SLC22A7: variants seen among roughly 807,000 people sequenced by gnomAD.
SLC22A7 encodes the protein solute carrier family 22 member 7, also known as hOAT2.
SLC22A7 carries 48 observed loss-of-function variants against 62.2 expected under a neutral mutation model. The ratio of observed to expected loss-of-function variants is 0.77; its 90% CI spans 0.61 to 0.98. SLC22A7 has a LOEUF of 0.98. SLC22A7 is among the 50% of genes least tolerant of loss of function. The pLI, the probability that SLC22A7 is intolerant of heterozygous loss-of-function variation, is 0.00. For synonymous variants in SLC22A7, 276 were observed against 314.8 expected, an observed-to-expected ratio of 0.88 and a Z score of 1.30; for missense variants, 581 against 703.8, an observed-to-expected ratio of 0.83 and a Z score of 1.97.
intron 1 of SLC22A7, 95 bp downstream of exon 1, chr6:43,298,846 C>T: frequency 6.8e-7 from 1 of 1,472,186 alleles, no homozygotes; most frequent in Non-Finnish European, 9.1e-7. Flanking sequence ...ATTACTTTAC[C>T]TCTTAAAGTC....
In SLC22A7 at chr6:43,302,145, G is replaced by A; in HGVS notation, c.1062-55G>A. 1 of 1,455,810 alleles carries A rather than the reference G, an allele frequency of 6.9e-7. No homozygotes were observed. Among genetic ancestry groups the A allele is most frequent in the Non-Finnish European group, 9.4e-7 (1 of 1,069,082 alleles). The allele number at this position is 1,455,810 out of a possible 1,614,324, so 90.2% of individuals were successfully genotyped here. A position where few individuals can be genotyped will look rare whatever the true frequency, so the allele number is the denominator to read the frequency against. On this transcript the variant is annotated intron_variant, in intron 7 of 10. Coordinates refer to ENST00000372585, the MANE Select transcript of SLC22A7 (RefSeq NM_153320.2). This position sits in a 1 kb window ranked among gnomAD's most constrained non-coding sequence, Gnocchi z 5.0. Reference sequence around the variant, plus strand: ...AATGCCAAGTCTTCCTGAGAAGAGAGGCCAAAGAGGGATGGGAAGGAGGGT... The same window carrying A: ...AATGCCAAGTCTTCCTGAGAAGAGAAGCCAAAGAGGGATGGGAAGGAGGGT...
In SLC22A7 at chr6:43,300,034, C is replaced by T; in HGVS notation, c.795C>T (p.Thr265=). The T allele has an allele frequency of 6.2e-7, 1 of 1,614,042 alleles. No individual in the cohort carries two copies. The highest frequency in any genetic ancestry group is 8.5e-7 in the Non-Finnish European group (1 of 1,180,028). ...GGCGATGGCTTCTGCTAGCTGTCAC[C>T]CTGCCTTGTGCCCCAGGCATCCTCA... ...RDWRWLLLAV[T]LPCAPGILSL... is the part of the protein sequence containing the mutation. Residue 265 remains threonine (T), a synonymous_variant, in exon 5 of 11, where the codon ACC becomes ACT. Coordinates refer to ENST00000372585, the MANE Select transcript of SLC22A7 (RefSeq NM_153320.2).
rs1215425037 is a variant in SLC22A7, at chr6:43,304,483, T to C, written c.1593-188T>C. 8.4e-6 allele frequency: 5 copies of C among 594,828 alleles called. No homozygotes were observed. In the Admixed American group the frequency reaches 1.7e-4, roughly 20 times the overall value. 36.8% of individuals were successfully genotyped at this position (594,828 alleles called of 1,614,324 possible). A position where few individuals can be genotyped will look rare whatever the true frequency, so the allele number is the denominator to read the frequency against. On this transcript the variant is annotated intron_variant, in intron 10 of 10. Transcript: ENST00000372585. ...AAATACATAAGGTTGTTCAGGAAGA[T>C]GTGTATGTGTGCACACTCAAGTATG...
chr6:43,297,050 A>C (rs1215947604), upstream of SLC22A7, among the ~76,000 whole-genome samples: 2 of 151,904 alleles, frequency 1.3e-5, no homozygotes, highest in African/African-American at 2.4e-5. Context: ...ATTTCTTCTC[A>C]TTGTCACCCC....
chr6:43,301,368 G>A (rs986556966), intron 6 of SLC22A7, 110 bp downstream of exon 6: 5 of 1,497,284 alleles, frequency 3.3e-6, no homozygotes, highest in African/African-American at 2.7e-5. Flanking sequence ...AAGCCCCTGG[G>A]CCCCCACAGA....
At position 43,304,032 on chromosome 6, in the gene SLC22A7, G is replaced by T. The variant is rs777051883; in HGVS notation, c.1386-6G>T. On this transcript the variant is annotated splice_polypyrimidine_tract_variant and splice_region_variant and intron_variant, in intron 9 of 10. Transcript: ENST00000372585. ...TCTGCCTCCCTCATCCTCTTTCTCT[G>T]AACAGACAGACAGGGATGGGGCTGA... is the stretch of plus-strand genomic sequence containing the variant. The T allele has an allele frequency of 9.2e-6, 14 of 1,520,478 alleles. No individual in the cohort carries two copies. The highest frequency in any genetic ancestry group is 1.2e-5 in the Non-Finnish European group (13 of 1,128,802). 94.2% of individuals were successfully genotyped at this position (1,520,478 alleles called of 1,614,324 possible).
rs577322549 is a variant in SLC22A7, at chr6:43,304,815, C to T, written c.*90C>T. The T allele has an allele frequency of 3.9e-5, 42 of 1,064,548 alleles. No homozygotes were observed. The highest frequency in any genetic ancestry group is 5.5e-5 in the Non-Finnish European group (41 of 749,082). 65.9% of individuals were successfully genotyped at this position (1,064,548 alleles called of 1,614,324 possible). A position where few individuals can be genotyped will look rare whatever the true frequency, so the allele number is the denominator to read the frequency against. Reference sequence around the variant, plus strand: ...GCCCTGCAACTCAGGCTGGGAGTATCGAACCCTCTGCCTAGGGCCGGAGTT... The same window carrying T: ...GCCCTGCAACTCAGGCTGGGAGTATTGAACCCTCTGCCTAGGGCCGGAGTT... On this transcript the variant is annotated 3_prime_UTR_variant, in exon 11 of 11. Transcript: ENST00000372585.
In SLC22A7 at chr6:43,299,878, T is replaced by A. The variant is rs1463442777; in HGVS notation, c.659-20T>A. On this transcript the variant is annotated intron_variant, in intron 4 of 10. Transcript: ENST00000372585. This position sits in a 1 kb window ranked among gnomAD's most constrained non-coding sequence, Gnocchi z 4.4. The stretch of plus-strand genomic sequence containing the variant: ...ATCTGGTCCTCACTAACCATCTTCC[T>A]GTCTCCTGTCCTGGCCCAGAGCTGG... 6.2e-7 allele frequency: 1 copy of A among 1,614,218 alleles called. No homozygotes were observed. The highest frequency in any genetic ancestry group is 8.5e-7 in the Non-Finnish European group (1 of 1,180,032).
upstream of SLC22A7, among the ~76,000 whole-genome samples, chr6:43,296,241 A>G (rs1778561852): frequency 6.6e-6 from 1 of 152,250 alleles, no homozygotes; most frequent in Non-Finnish European, 1.5e-5. Context: ...CCTAGGAGCC[A>G]ATGTCAGGAG....
chr6:43,297,643 G>A (rs1778590299), upstream of SLC22A7, among the ~76,000 whole-genome samples: 2 of 152,224 alleles, frequency 1.3e-5, no homozygotes, highest in African/African-American at 4.8e-5. Flanking sequence ...GGAAGCTGCT[G>A]GAAATAGGGG....
intron 5 of SLC22A7, 29 bp downstream of exon 5, chr6:43,300,095 G>A (rs1454273084): frequency 2.5e-6 from 4 of 1,610,046 alleles, no homozygotes; most frequent in Admixed American, 1.7e-5. Flanking sequence ...TGGGGAGCGG[G>A]AGATACAGGA....
At position 43,298,484 on chromosome 6, in the gene SLC22A7, T is replaced by A; in HGVS notation, c.126T>A (p.Ala42=). 1.9e-6 allele frequency: 3 copies of A among 1,613,620 alleles called. No homozygotes were observed. The highest frequency in any genetic ancestry group is 2.5e-6 in the Non-Finnish European group (3 of 1,180,026). ...PLHFLLPIFL[A]AVPAHRCALP... The stretch of plus-strand genomic sequence containing the variant: ...ACTTCCTCCTGCCCATCTTCCTGGC[T>A]GCCGTGCCTGCCCACCGATGTGCCC... The change falls in exon 1 of 11, where the codon GCT becomes GCA. Residue 42 remains alanine (A), a synonymous_variant. Transcript: ENST00000372585.
At chr6:43,301,505 G>C (rs1778746335) in intron 6 of SLC22A7, 78 bp from the exon 7 acceptor site, 1 of 1,196,464 alleles carries the variant, frequency 8.4e-7, no homozygotes, top group East Asian at 2.4e-5. Flanking sequence ...AATAGAGAGG[G>C]GTGGGGGGAG....
intron 6 of SLC22A7, 129 bp from the exon 7 acceptor site, chr6:43,301,453 GC>G (rs1309339411): frequency 2.0e-6 from 2 of 1,017,844 alleles, no homozygotes; most frequent in Non-Finnish European, 3.0e-6. Context: ...ACTCGTCTCA[GC>G]TGCCATGAGC....
upstream of SLC22A7, among the ~76,000 whole-genome samples, chr6:43,296,062 T>C (rs1449884168): frequency 2.6e-5 from 4 of 152,290 alleles, no homozygotes; most frequent in East Asian, 7.7e-4. Flanking sequence ...CTTGCCCCCA[T>C]GTCCAGCTAA....
upstream of SLC22A7, chr6:43,297,994 A>C: frequency 5.3e-6 from 1 of 188,902 alleles, no homozygotes; most frequent in Admixed American, 6.0e-5. Context: ...CTTCTTAGGG[A>C]TCCTGGGAGC....
Position 43,299,851 on chromosome 6 carries a change from C to G in SLC22A7, c.659-47C>G. On this transcript the variant is annotated intron_variant, in intron 4 of 10. Transcript: ENST00000372585. This position sits in a 1 kb window ranked among gnomAD's most constrained non-coding sequence, Gnocchi z 4.4. Reference sequence around the variant, plus strand: ...GGCAGTTGTCAGAGTGAGGCTGAGCCCATCTGGTCCTCACTAACCATCTTC... The same window carrying G: ...GGCAGTTGTCAGAGTGAGGCTGAGCGCATCTGGTCCTCACTAACCATCTTC... 6.2e-7 allele frequency: 1 copy of G among 1,614,048 alleles called. No homozygotes were observed. The highest frequency in any genetic ancestry group is 8.5e-7 in the Non-Finnish European group (1 of 1,179,916).
In SLC22A7 at chr6:43,299,483, C is replaced by T; in HGVS notation, c.493C>T (p.Leu165=). The T allele has an allele frequency of 6.2e-7, 1 of 1,612,012 alleles. No individual in the cohort carries two copies. Among genetic ancestry groups the T allele is most frequent in the Non-Finnish European group, 8.5e-7 (1 of 1,178,770 alleles). ...VLVGAVAFGY[L]SDRFGRRRLL... ...GGTGGGGGCTGTGGCCTTTGGATAT[C>T]TGTCCGACAGGTGGGGTGAGGCACT... The change falls in exon 3 of 11, where the codon CTG becomes TTG. Residue 165 remains leucine, a synonymous_variant. Transcript: ENST00000372585. This position sits in a 1 kb window ranked among gnomAD's most constrained non-coding sequence, Gnocchi z 4.4.
chr6:43,298,575 C>G lies in SLC22A7; in HGVS notation c.217C>G (p.Pro73Ala), dbSNP rs1284398567. The change falls in exon 1 of 11, where the codon CCT becomes GCT. Residue 73 changes from proline to alanine, a missense_variant. Physicochemically the swap from Pro to Ala is conservative, Grantham distance 27 (BLOSUM62 -1). Coordinates refer to ENST00000372585, the MANE Select transcript of SLC22A7 (RefSeq NM_153320.2). Reference sequence around the variant, plus strand: ...GCTGGAGGCCCATCTTCCCCGGGAGCCTGATGGCACGCTCAGCTCCTGCCT... The same window carrying G: ...GCTGGAGGCCCATCTTCCCCGGGAGGCTGATGGCACGCTCAGCTCCTGCCT... The part of the protein sequence containing the change: ...VWLEAHLPRE[P>A]DGTLSSCLRF... The G allele has an allele frequency of 3.1e-6, 5 of 1,613,402 alleles. No homozygotes were observed. The highest frequency in any genetic ancestry group is 4.5e-5 in the East Asian group (2 of 44,896).
Sources: gnomAD v4.1 joint callset for allele counts (sites outside exome capture counted in the v4.1 genomes callset) on GRCh38, gnomAD v4.1.1 for gene constraint, Gnocchi (gnomAD v3.1) non-coding constraint, MANE v1.5 for transcripts, NCBI Gene and HGNC (gene_info 2026-07-23, HGNC 2026-07-21) for gene names.